The following SLC20A1 variants were observed in gnomAD, a reference collection of about 807,000 sequenced individuals.
The protein encoded by SLC20A1 is solute carrier family 20 member 1.
A neutral mutation model predicts 62.7 loss-of-function variants in SLC20A1; 28 were observed. That is an observed-to-expected ratio of 0.45 (90% CI 0.33 to 0.61). The LOEUF is 0.61. Among genes scored for constraint, SLC20A1 ranks in the 20% least tolerant of loss-of-function variants. The pLI, the probability that SLC20A1 is intolerant of heterozygous loss-of-function variation, is 0.02. For synonymous variants in SLC20A1, 305 were observed against 302.9 expected (o/e 1.01, Z -0.07); for missense variants, 673 against 838.6 (o/e 0.80, Z 2.44).
intron 9 of SLC20A1, chr2:112,660,907 T>C: frequency 2.0e-6 from 1 of 498,024 alleles, no homozygotes; most frequent in Non-Finnish European, 3.6e-6. Context: ...GTGCAAATTT[T>C]ATTTAATAGT....
intron 5 of SLC20A1, chr2:112,653,027 A>C (rs1219277038): frequency 9.9e-7 from 1 of 1,008,838 alleles, no homozygotes; most frequent in Non-Finnish European, 1.5e-6. Context: ...TTTCCTCTTT[A>C]GTCTTCACAG....
rs1478539378 is a variant in SLC20A1 at position 112,663,706 on chromosome 2, G to C, written c.*681G>C. ...TCTTGGTTATTTCTTTAAGATTTCTGGCAGTGTGGGATGGATGAATGAAGT... is the reference window on the plus strand; with the variant it reads ...TCTTGGTTATTTCTTTAAGATTTCTCGCAGTGTGGGATGGATGAATGAAGT... On this transcript the variant is annotated 3_prime_UTR_variant, in exon 11 of 11. Coordinates refer to ENST00000272542, the MANE Select transcript of SLC20A1 (RefSeq NM_005415.5). The C allele has an allele frequency of 1.3e-5, 2 of 154,116 alleles. No individual in the cohort carries two copies. Among genetic ancestry groups the C allele is most frequent in the Admixed American group, 6.5e-5 (1 of 15,450 alleles). The allele number at this position is 154,116 out of a possible 1,614,324, so 9.5% of individuals were successfully genotyped here.
chr2:112,647,714 G>C lies in SLC20A1; in HGVS notation c.537G>C (p.Leu179=). 2 of 1,614,034 alleles carry C rather than the reference G, an allele frequency of 1.2e-6. No homozygotes were observed. Among genetic ancestry groups the C allele is most frequent in the Non-Finnish European group, 1.7e-6 (2 of 1,179,934 alleles). The change falls in exon 4 of 11, where the codon CTG becomes CTC. Residue 179 remains leucine, a synonymous_variant. Coordinates refer to ENST00000272542, the MANE Select transcript of SLC20A1 (RefSeq NM_005415.5). The stretch of plus-strand genomic sequence containing the variant: ...TTATGTCTGGAATTTTATTCTTCCT[G>C]GTTCGTGCATTCATCCTCCATAAGG... ...SGIMSGILFF[L]VRAFILHKAD...
intron 6 of SLC20A1, 192 bp from the exon 7 acceptor site, chr2:112,658,633 A>T (rs1686663642): frequency 1.6e-6 from 1 of 637,346 alleles, no homozygotes; most frequent in African/African-American, 1.8e-5. Flanking sequence ...GGTGTTCTGC[A>T]TTGCTGGTTG....
chr2:112,655,113 T>C (rs1197695407), intron 5 of SLC20A1, among the ~76,000 whole-genome samples: 2 of 151,470 alleles, frequency 1.3e-5, no homozygotes, highest in Non-Finnish European at 2.9e-5. Context: ...GGATTACACA[T>C]GTGCATCACC....
rs1686284753 is a variant in SLC20A1, at chr2:112,646,576, C to G, written c.-253C>G. ...CCTCCCCCGCAGGATGAACTTGCGT[C>G]CTTTCTCTTCTCCGCCATGGAATTC... On this transcript the variant is annotated 5_prime_UTR_variant, in exon 2 of 11. Transcript: ENST00000272542. 5.6e-6 allele frequency: 1 copy of G among 179,274 alleles called. No individual in the cohort carries two copies. The highest frequency in any genetic ancestry group is 1.1e-5 in the Non-Finnish European group (1 of 87,538). 11.1% of individuals were successfully genotyped at this position (179,274 alleles called of 1,614,324 possible). A position where few individuals can be genotyped will look rare whatever the true frequency, so the allele number is the denominator to read the frequency against.
rs1027486680 is a variant in SLC20A1 at position 112,646,649 on chromosome 2, G to A, written c.-180G>A. On this transcript the variant is annotated 5_prime_UTR_variant, in exon 2 of 11. Coordinates refer to ENST00000272542, the MANE Select transcript of SLC20A1 (RefSeq NM_005415.5). Reference sequence around the variant, plus strand: ...TGAGCCAAAGAAACCCCAGACAACAGATGCCCATACGCAGCGTATAGCAGT... The same window carrying A: ...TGAGCCAAAGAAACCCCAGACAACAAATGCCCATACGCAGCGTATAGCAGT... 1 of 259,052 alleles carries A rather than the reference G, an allele frequency of 3.9e-6. No homozygotes were observed. Among genetic ancestry groups the A allele is most frequent in the Non-Finnish European group, 7.0e-6 (1 of 142,924 alleles). The allele number at this position is 259,052 out of a possible 1,614,324, so 16.0% of individuals were successfully genotyped here.
chr2:112,650,229 A>G (rs1016775871), intron 4 of SLC20A1, among the ~76,000 whole-genome samples: 2 of 152,170 alleles, frequency 1.3e-5, no homozygotes, highest in Admixed American at 1.3e-4. Flanking sequence ...ATGGATAATC[A>G]TATTACGAAA....
chr2:112,646,799 T>A lies in SLC20A1; in HGVS notation c.-30T>A. On this transcript the variant is annotated 5_prime_UTR_variant, in exon 2 of 11. Coordinates refer to ENST00000272542, the MANE Select transcript of SLC20A1 (RefSeq NM_005415.5). The stretch of plus-strand genomic sequence containing the variant: ...CACATCTTGAAAGGCGCTCAGTAGT[T>A]CTCTTACTAAACAACCACTACTCCA... 6.5e-7 allele frequency: 1 copy of A among 1,541,316 alleles called. No homozygotes were observed. The highest frequency in any genetic ancestry group is 1.1e-5 in the South Asian group (1 of 87,368).
intron 9 of SLC20A1, 50 bp from the exon 10 acceptor site, chr2:112,661,092 C>T (rs1236024991): frequency 7.8e-6 from 11 of 1,416,872 alleles, no homozygotes; most frequent in Non-Finnish European, 1.1e-5. Flanking sequence ...GTGTTAGCTT[C>T]TCAAAAAAGT....
At chr2:112,655,199 C>A (rs942737260) in intron 5 of SLC20A1, among the ~76,000 whole-genome samples, 2 of 151,984 alleles carry the variant, frequency 1.3e-5, no homozygotes, top group Non-Finnish European at 2.9e-5. Context: ...GAACTCCCAA[C>A]CTCAGGTGAT....
chr2:112,651,512 T>G (rs1291289330), intron 4 of SLC20A1, among the ~76,000 whole-genome samples: 1 of 152,102 alleles, frequency 6.6e-6, no homozygotes, highest in African/African-American at 2.4e-5. Flanking sequence ...CAAGTGATTC[T>G]CCTGAGTCAG....
chr2:112,649,989 C>T (rs1181345641), intron 4 of SLC20A1, among the ~76,000 whole-genome samples: 1 of 152,146 alleles, frequency 6.6e-6, no homozygotes, highest in Non-Finnish European at 1.5e-5. Context: ...TCTTGTTTTA[C>T]CTTCTTCCTA....
At chr2:112,651,396 T>C (rs1489585834) in intron 4 of SLC20A1, among the ~76,000 whole-genome samples, 2 of 152,148 alleles carry the variant, frequency 1.3e-5, no homozygotes, top group Non-Finnish European at 2.9e-5. Flanking sequence ...TATTCAGATC[T>C]TTGCTCCCAA....
In SLC20A1 at chr2:112,659,758, G is replaced by T; in HGVS notation, c.1603G>T (p.Val535Leu). The change falls in exon 8 of 11, where the codon GTA (valine) becomes TTA (leucine). Residue 535 changes from valine to leucine, a missense_variant. Transcript: ENST00000272542. ...GTCATTCGCCCATGGTGGCAATGAC[G>T]TAAGGTCAGTTGACATTGATCTTAG... ...FGSFAHGGND[V>L]SNAIGPLVAL... 1 of 1,610,578 alleles carries T rather than the reference G, an allele frequency of 6.2e-7. No individual in the cohort carries two copies. Among genetic ancestry groups the T allele is most frequent in the East Asian group, 2.2e-5 (1 of 44,836 alleles).
In SLC20A1 at chr2:112,657,248, A is replaced by C; in HGVS notation, c.778+7A>C. 6.2e-7 allele frequency: 1 copy of C among 1,612,148 alleles called. No homozygotes were observed. Among genetic ancestry groups the C allele is most frequent in the South Asian group, 1.1e-5 (1 of 91,020 alleles). On this transcript the variant is annotated splice_region_variant and intron_variant, in intron 6 of 10. Transcript: ENST00000272542. ...ATGAAGAGAAAAATTGAACGTAAGT[A>C]ATAACTAAACAGCAGAAAAGTTTAA...
chr2:112,652,493 A>G (rs995887399), intron 4 of SLC20A1: 1 of 582,072 alleles, frequency 1.7e-6, no homozygotes, highest in East Asian at 2.8e-5. Flanking sequence ...TATTAAAAGA[A>G]AAAAGAAAAA....
chr2:112,649,275 G>A (rs189284603), intron 4 of SLC20A1, among the ~76,000 whole-genome samples: 2 of 152,318 alleles, frequency 1.3e-5, no homozygotes, highest in Admixed American at 6.5e-5. Context: ...GAATGGGCAT[G>A]ATCAAATGAT....
At position 112,658,927 on chromosome 2, in the gene SLC20A1, A is replaced by G. The variant is rs1260721885; in HGVS notation, c.881A>G (p.Asn294Ser). 1.2e-6 allele frequency: 2 copies of G among 1,614,084 alleles called. No homozygotes were observed. The highest frequency in any genetic ancestry group is 2.7e-5 in the African/African-American group (2 of 74,928). Reference sequence around the variant, plus strand: ...AAGTTGTCTGTTGGTGATATTGAAAACAAGCATCCTGTTTCTGAGGTAGGG... The same window carrying G: ...AAGTTGTCTGTTGGTGATATTGAAAGCAAGCATCCTGTTTCTGAGGTAGGG... Reference protein sequence around the residue: ...ETKLSVGDIENKHPVSEVGPA... With the variant: ...ETKLSVGDIESKHPVSEVGPA... Residue 294 changes from asparagine to serine, a missense_variant, in exon 7 of 11, where the codon AAC (asparagine) becomes AGC (serine). Transcript: ENST00000272542.
Sources: allele counts gnomAD v4.1 joint callset (sites outside exome capture counted in the v4.1 genomes callset), GRCh38; gene constraint gnomAD v4.1.1; transcripts MANE v1.5; gene names NCBI Gene and HGNC (gene_info 2026-07-23, HGNC 2026-07-21).